The following GDPD4 variants were observed in gnomAD, a reference collection of about 807,000 sequenced individuals.
The protein encoded by GDPD4 is glycerophosphodiester phosphodiesterase domain containing 4.
A neutral mutation model predicts 67.8 loss-of-function variants in GDPD4; 60 were observed. The ratio of observed to expected loss-of-function variants is 0.88; its 90% CI spans 0.72 to 1.10. The LOEUF (loss-of-function observed/expected upper bound fraction) is 1.10, where lower values mean the gene tolerates loss of function less well. GDPD4 is among the 50% of genes least tolerant of loss of function. The pLI, the probability that GDPD4 is intolerant of heterozygous loss-of-function variation, is 0.00. For missense variants in GDPD4, 623 were observed against 613.9 expected, an observed-to-expected ratio of 1.01 and a Z score of -0.16; for synonymous variants, 212 against 210.9, an observed-to-expected ratio of 1.00 and a Z score of -0.04.
At chr11:77,278,048 G>C (rs924554377) in intron 4 of GDPD4, among the ~76,000 whole-genome samples, 2 of 152,096 alleles carry the variant, frequency 1.3e-5, no homozygotes, top group African/African-American at 4.8e-5. Context: ...GAGCGGTTTT[G>C]AGTGAGTTTC....
intron 11 of GDPD4, among the ~76,000 whole-genome samples, chr11:77,247,759 TAGAA>T (rs915969990): frequency 1.3e-5 from 2 of 151,898 alleles, no homozygotes; most frequent in Non-Finnish European, 2.9e-5. Context: ...GGTTAAGAAA[TAGAA>T]AGACAAGTCC....
intron 4 of GDPD4, 119 bp downstream of exon 4, chr11:77,279,187 G>T: frequency 1.6e-6 from 1 of 622,668 alleles, no homozygotes; most frequent in Non-Finnish European, 2.9e-6. Flanking sequence ...ACTCTACTAA[G>T]ACAAGAGTGA....
At chr11:77,286,101 C>A (rs777021420) in intron 2 of GDPD4, among the ~76,000 whole-genome samples, 3 of 152,162 alleles carry the variant, frequency 2.0e-5, no homozygotes, top group Non-Finnish European at 4.4e-5. Context: ...TTTCCCCTCA[C>A]TTCTTCACAT....
intron 16 of GDPD4, among the ~76,000 whole-genome samples, chr11:77,227,564 C>A (rs886965911): frequency 2.0e-5 from 3 of 152,350 alleles, no homozygotes; most frequent in Admixed American, 2.0e-4. Context: ...AAGTGCCTTG[C>A]ACAAAGTGTG....
intron 13 of GDPD4, among the ~76,000 whole-genome samples, chr11:77,240,057 T>C (rs1958634310): frequency 6.6e-6 from 1 of 152,094 alleles, no homozygotes; most frequent in African/African-American, 2.4e-5. Context: ...TGTTACAATG[T>C]CAAAATTACC....
intron 11 of GDPD4, among the ~76,000 whole-genome samples, chr11:77,248,702 T>G (rs1343953609): frequency 6.6e-6 from 1 of 151,978 alleles, no homozygotes; most frequent in African/African-American, 2.4e-5. Context: ...TATGGCACTT[T>G]CCCTGTACAT....
intron 11 of GDPD4, among the ~76,000 whole-genome samples, chr11:77,250,705 T>C (rs970824987): frequency 6.6e-6 from 1 of 152,314 alleles, no homozygotes; most frequent in African/African-American, 2.4e-5. Context: ...TTCAATCCAA[T>C]GTTGATCTTT....
In GDPD4 at chr11:77,252,037, G is replaced by T. The variant is rs1159963807; in HGVS notation, c.864+6349C>A. Among the ~76,000 whole-genome samples, 34 of 138,906 alleles carry T rather than the reference G, an allele frequency of 2.4e-4. No individual in the cohort carries two copies. The Admixed American group carries it at 2.5e-3, about 10-fold the overall frequency. The allele number at this position is 138,906 out of a possible 152,430, so 91.1% of individuals were successfully genotyped here. A position where few individuals can be genotyped will look rare whatever the true frequency, so the allele number is the denominator to read the frequency against. ...ATTCAGCTGCAAGGGTGTCCATTTG[G>T]GTTTTTTTGTTTGTTTGTTTTTTTT... On this transcript the variant is annotated intron_variant, in intron 11 of 16. Coordinates refer to ENST00000315938, the MANE Select transcript of GDPD4 (RefSeq NM_182833.3).
chr11:77,234,075 G>A (rs1242158186), intron 13 of GDPD4, among the ~76,000 whole-genome samples: 1 of 152,038 alleles, frequency 6.6e-6, no homozygotes, highest in Non-Finnish European at 1.5e-5. Flanking sequence ...ACTCTCAAAT[G>A]GTATGGCATA....
At chr11:77,262,854 CA>C (rs67911054) in intron 10 of GDPD4, among the ~76,000 whole-genome samples, 2 of 67,004 alleles carry the variant, frequency 3.0e-5, no homozygotes, top group East Asian at 5.1e-4. Flanking sequence ...TTCTCTGCTG[CA>C]AAAAAAAAAA....
chr11:77,290,078 A>G (rs1270620776), intron 1 of GDPD4, among the ~76,000 whole-genome samples: 2 of 152,196 alleles, frequency 1.3e-5, no homozygotes, highest in South Asian at 2.1e-4. Context: ...GATTTAACCG[A>G]AAAAGGTCTT....
intron 1 of GDPD4, among the ~76,000 whole-genome samples, chr11:77,288,337 C>T (rs1424050818): frequency 6.6e-6 from 1 of 152,120 alleles, no homozygotes; most frequent in Non-Finnish European, 1.5e-5. Flanking sequence ...CACCTAGAGA[C>T]CTAAAAATTG....
At chr11:77,255,886 TA>T (rs1032892135) in intron 11 of GDPD4, among the ~76,000 whole-genome samples, 34 of 151,562 alleles carry the variant, frequency 2.2e-4, no homozygotes, top group Non-Finnish European at 3.5e-4. Flanking sequence ...TAAATAAATA[TA>T]AAAAAAGAAA....
intron 3 of GDPD4, among the ~76,000 whole-genome samples, chr11:77,280,460 C>A (rs954309096): frequency 1.1e-4 from 16 of 151,546 alleles, no homozygotes; most frequent in African/African-American, 3.9e-4. Context: ...CTTAATAGCA[C>A]TCTAGATGTA....
chr11:77,259,343 T>A (rs1046556068), intron 10 of GDPD4, among the ~76,000 whole-genome samples: 22 of 152,178 alleles, frequency 1.4e-4, no homozygotes, highest in Admixed American at 2.0e-4. Flanking sequence ...AAGTTCCTTG[T>A]TCTTCTATCT....
rs117375028 is a variant in GDPD4, at chr11:77,258,767, G to A, written c.708-225C>T. On this transcript the variant is annotated intron_variant, in intron 10 of 16. Transcript: ENST00000315938. ...ATGATATATAATCACATTAGTGATCGTGAAAGACTAGCTTCTCTATTCAGG... is the reference window on the plus strand; with the variant it reads ...ATGATATATAATCACATTAGTGATCATGAAAGACTAGCTTCTCTATTCAGG... Among the ~76,000 whole-genome samples, 974 of 152,222 alleles carry A rather than the reference G, an allele frequency of 6.4e-3. 3 individuals carry two copies. Among genetic ancestry groups the A allele is most frequent in the Non-Finnish European group, 0.01 (697 of 68,000 alleles).
intron 11 of GDPD4, among the ~76,000 whole-genome samples, chr11:77,252,648 TC>T (rs1403520415): frequency 6.6e-6 from 1 of 152,184 alleles, no homozygotes; most frequent in Non-Finnish European, 1.5e-5. Flanking sequence ...TTCTAAACTT[TC>T]TAGAGTGGCT....
At chr11:77,221,247 CTGATCTTAGTTATTTCT>C (rs1958218805) in intron 16 of GDPD4, among the ~76,000 whole-genome samples, 1 of 152,148 alleles carries the variant, frequency 6.6e-6, no homozygotes, top group Admixed American at 6.5e-5. Context: ...CAGTTCTGCT[CTGATCTTAGTTATTTCT>C]TGCCTTCTGC....
intron 15 of GDPD4, among the ~76,000 whole-genome samples, chr11:77,228,774 G>A (rs770416525): frequency 6.6e-6 from 1 of 152,188 alleles, no homozygotes; most frequent in Non-Finnish European, 1.5e-5. Context: ...CAAAGCCAGA[G>A]CTAAAACCCA....
Sources: allele counts gnomAD v4.1 joint callset (sites outside exome capture counted in the v4.1 genomes callset), GRCh38; gene constraint gnomAD v4.1.1; transcripts MANE v1.5; gene names NCBI Gene and HGNC (gene_info 2026-07-23, HGNC 2026-07-21).